The following CCDC180 variants were observed in gnomAD, a reference collection of about 807,000 sequenced individuals.
CCDC180 encodes the protein coiled-coil domain-containing protein 180.
In CCDC180, 154 loss-of-function variants were observed where a neutral mutation model predicts 209.2. The ratio of observed to expected loss-of-function variants is 0.74; its 90% CI spans 0.65 to 0.84. The LOEUF (loss-of-function observed/expected upper bound fraction) is 0.84. Among genes scored for constraint, CCDC180 ranks in the 40% least tolerant of loss-of-function variants. The pLI, the probability that CCDC180 is intolerant of heterozygous loss-of-function variation, is 0.00. For synonymous variants in CCDC180, 778 were observed against 749.1 expected (o/e 1.04, Z -0.63); for missense variants, 1,874 against 1,997.3 (o/e 0.94, Z 1.18).
chr9:97,329,606 A>C (rs1021394839), intron 16 of CCDC180, among the ~76,000 whole-genome samples: 1 of 152,192 alleles, frequency 6.6e-6, no homozygotes, highest in Admixed American at 6.5e-5. Flanking sequence ...TATCATAATG[A>C]GCTTTAATTC....
chr9:97,315,234 T>C (rs1833127927), intron 8 of CCDC180, among the ~76,000 whole-genome samples: 1 of 152,178 alleles, frequency 6.6e-6, no homozygotes, highest in Non-Finnish European at 1.5e-5. Context: ...GCGCTGATGA[T>C]GTTAATGAGC....
intron 31 of CCDC180, among the ~76,000 whole-genome samples, chr9:97,368,468 G>A (rs894663250): frequency 2.0e-5 from 3 of 152,044 alleles, no homozygotes; most frequent in East Asian, 1.9e-4. Flanking sequence ...CAAATGAGAC[G>A]GAAACCAAGC....
chr9:97,308,044 G>A lies in CCDC180; in HGVS notation c.-20G>A, dbSNP rs1413602408. 6.2e-7 allele frequency: 1 copy of A among 1,613,216 alleles called. No individual in the cohort carries two copies. Among genetic ancestry groups the A allele is most frequent in the Non-Finnish European group, 8.5e-7 (1 of 1,179,628 alleles). ...CCTGGACGACGGCTTCCCGGCAGGGGCATCCAGCCAGCGGCCAAGATGTCG... is the reference window on the plus strand; with the variant it reads ...CCTGGACGACGGCTTCCCGGCAGGGACATCCAGCCAGCGGCCAAGATGTCG... On this transcript the variant is annotated 5_prime_UTR_variant, in exon 2 of 37. Transcript: ENST00000529487.
intron 36 of CCDC180, chr9:97,375,796 T>C: frequency 1.6e-6 from 1 of 618,534 alleles, no homozygotes; most frequent in Non-Finnish European, 2.7e-6. Flanking sequence ...TGAGGCGTGA[T>C]CCCAATGCTG....
chr9:97,330,648 A>C lies in CCDC180; in HGVS notation c.2155A>C (p.Lys719Gln). The C allele has an allele frequency of 6.2e-7, 1 of 1,612,132 alleles. No homozygotes were observed. The change falls in exon 18 of 37, where the codon AAG (lysine) becomes CAG (glutamine). Residue 719 changes from lysine (K) to glutamine (Q), a missense_variant. By Grantham distance (53) the Lys-to-Gln change is moderately conservative. Coordinates refer to ENST00000529487, the MANE Select transcript of CCDC180 (RefSeq NM_020893.6). Reference sequence around the variant, plus strand: ...GGAGAATGTGAAGGGTCAAGGAGAAAAGAAGGAGGAGTCAGAGGAGGAAGA... The same window carrying C: ...GGAGAATGTGAAGGGTCAAGGAGAACAGAAGGAGGAGTCAGAGGAGGAAGA... ...NEENVKGQGE[K>Q]KEESEEEDEK...
chr9:97,316,897 C>T (rs146880834), intron 8 of CCDC180, among the ~76,000 whole-genome samples, 168 bp from the exon 9 acceptor site: 7 of 152,258 alleles, frequency 4.6e-5, no homozygotes, highest in African/African-American at 1.7e-4. Context: ...GAAGCTTCAT[C>T]GAGTGCCCAC....
In CCDC180 at chr9:97,307,659, G is replaced by C; in HGVS notation, c.-229G>C. 7.0e-7 allele frequency: 1 copy of C among 1,423,340 alleles called. No individual in the cohort carries two copies. Among genetic ancestry groups the C allele is most frequent in the South Asian group, 1.2e-5 (1 of 84,496 alleles). The allele number at this position is 1,423,340 out of a possible 1,614,324, so 88.2% of individuals were successfully genotyped here. A position where few individuals can be genotyped will look rare whatever the true frequency, so the allele number is the denominator to read the frequency against. ...GAGTTCCAGTCCCAACCGACACCTT[G>C]AGCGCCGTTAACTTTTCCCCGAAGA... On this transcript the variant is annotated 5_prime_UTR_variant, in exon 1 of 37. Coordinates refer to ENST00000529487, the MANE Select transcript of CCDC180 (RefSeq NM_020893.6).
chr9:97,359,264 C>G (rs949188820), intron 25 of CCDC180, among the ~76,000 whole-genome samples: 3 of 152,222 alleles, frequency 2.0e-5, no homozygotes, highest in Non-Finnish European at 4.4e-5. Flanking sequence ...CGTCCAGTCT[C>G]TCACATCCTC....
chr9:97,355,697 G>A (rs1256563741), intron 24 of CCDC180, among the ~76,000 whole-genome samples: 1 of 152,208 alleles, frequency 6.6e-6, no homozygotes, highest in Non-Finnish European at 1.5e-5. Context: ...AGAGCTTATG[G>A]CCTTAACCAC....
intron 11 of CCDC180, among the ~76,000 whole-genome samples, chr9:97,320,831 G>T (rs189253617): frequency 5.3e-5 from 8 of 152,336 alleles, no homozygotes; most frequent in South Asian, 2.1e-4. Flanking sequence ...GATGTATTGT[G>T]TGGCTGTTTT....
At chr9:97,347,814 G>C (rs1445884579) in intron 20 of CCDC180, 2 of 222,518 alleles carry the variant, frequency 9.0e-6, no homozygotes, top group Non-Finnish European at 1.8e-5. Flanking sequence ...ACACCTGCAT[G>C]GTGGATGTTC....
intron 31 of CCDC180, among the ~76,000 whole-genome samples, chr9:97,368,677 C>T (rs1159787211): frequency 6.6e-6 from 1 of 152,210 alleles, no homozygotes; most frequent in East Asian, 1.9e-4. Context: ...AAAACACCTC[C>T]AGCTAATACC....
At chr9:97,353,908 G>C (rs1454668378) in intron 22 of CCDC180, among the ~76,000 whole-genome samples, 2 of 151,748 alleles carry the variant, frequency 1.3e-5, no homozygotes, top group Admixed American at 1.3e-4. Flanking sequence ...CATCAAGACT[G>C]AACCTCCAAG....
chr9:97,356,181 G>A (rs1826580214), intron 24 of CCDC180, among the ~76,000 whole-genome samples: 1 of 152,144 alleles, frequency 6.6e-6, no homozygotes, highest in African/African-American at 2.4e-5. Context: ...GGGGTACACT[G>A]GAAATGAAGG....
At chr9:97,367,466 ATTTT>A (rs3052476) in intron 31 of CCDC180, among the ~76,000 whole-genome samples, 1 of 128,300 alleles carries the variant, frequency 7.8e-6, no homozygotes. Context: ...TCAGTTTTCT[ATTTT>A]TTTTTTTTTT....
At position 97,325,199 on chromosome 9, in the gene CCDC180, C is replaced by T; in HGVS notation, c.1545+7C>T. 6.3e-7 allele frequency: 1 copy of T among 1,582,742 alleles called. No individual in the cohort carries two copies. The highest frequency in any genetic ancestry group is 8.6e-7 in the Non-Finnish European group (1 of 1,163,818). The stretch of plus-strand genomic sequence containing the variant: ...GCACAGCCTGGAGAGCCAGGTGAGA[C>T]CCACACCCGGGGCTCCATGTTTCAC... On this transcript the variant is annotated splice_region_variant and intron_variant, in intron 14 of 36. Transcript: ENST00000529487.
At chr9:97,333,131 T>C (rs550165744) in intron 18 of CCDC180, among the ~76,000 whole-genome samples, 44 of 152,254 alleles carry the variant, frequency 2.9e-4, no homozygotes, top group African/African-American at 9.9e-4. Flanking sequence ...AATCATGTGG[T>C]TTTTGTTTTT....
intron 19 of CCDC180, chr9:97,345,943 C>G (rs1826252643): frequency 1.3e-5 from 2 of 152,444 alleles, no homozygotes; most frequent in Admixed American, 1.3e-4. Flanking sequence ...TGTGCCTTAC[C>G]CCCAAGGACA....
At chr9:97,323,340 C>T (rs1043540542) in intron 12 of CCDC180, among the ~76,000 whole-genome samples, 12 of 152,128 alleles carry the variant, frequency 7.9e-5, no homozygotes, top group Non-Finnish European at 1.5e-4. Flanking sequence ...TATTGCAATG[C>T]GCCCCCTTCA....
Sources: allele counts gnomAD v4.1 joint callset (sites outside exome capture counted in the v4.1 genomes callset), GRCh38; gene constraint gnomAD v4.1.1; transcripts MANE v1.5; gene names NCBI Gene and HGNC (gene_info 2026-07-23, HGNC 2026-07-21).